The following WDR7 variants were observed in gnomAD, a reference collection of about 807,000 sequenced individuals.
The protein encoded by WDR7 is WD repeat-containing protein 7.
A neutral mutation model predicts 169.4 loss-of-function variants in WDR7; 46 were observed. The observed-to-expected ratio is 0.27, with a 90% CI of 0.21 to 0.35. The LOEUF (loss-of-function observed/expected upper bound fraction) is 0.35. Ranked by LOEUF, WDR7 falls within the 10% of genes least tolerant of loss-of-function variation. WDR7 has a pLI of 1.00. For synonymous variants in WDR7, 612 were observed against 666.8 expected, an observed-to-expected ratio of 0.92 and a Z score of 1.27; for missense variants, 1,534 against 1,859.3, an observed-to-expected ratio of 0.83 and a Z score of 3.22.
At chr18:56,888,884 G>A (rs1326415232) in intron 21 of WDR7, among the ~76,000 whole-genome samples, 1 of 152,176 alleles carries the variant, frequency 6.6e-6, no homozygotes, top group African/African-American at 2.4e-5. Flanking sequence ...AACAGGATTA[G>A]GCAGAGGGGG....
intron 20 of WDR7, among the ~76,000 whole-genome samples, chr18:56,830,400 G>A (rs1307273250): frequency 6.6e-6 from 1 of 152,088 alleles, no homozygotes; most frequent in African/African-American, 2.4e-5. Context: ...ACTTGCTCAA[G>A]CATCATTGCT....
intron 26 of WDR7, among the ~76,000 whole-genome samples, chr18:56,990,986 A>G (rs1009938735): frequency 2.6e-5 from 4 of 152,224 alleles, no homozygotes; most frequent in Admixed American, 1.3e-4. Context: ...ATTGTTAGGT[A>G]CTAGACTGAT....
At chr18:56,701,372 G>T (rs1441640864) in intron 12 of WDR7, among the ~76,000 whole-genome samples, 1 of 152,084 alleles carries the variant, frequency 6.6e-6, no homozygotes, top group African/African-American at 2.4e-5. Context: ...GTATATAAAG[G>T]TTCAGTTTCT....
At chr18:56,786,784 T>C (rs2044407760) in intron 19 of WDR7, among the ~76,000 whole-genome samples, 1 of 152,004 alleles carries the variant, frequency 6.6e-6, no homozygotes, top group Admixed American at 6.6e-5. Context: ...AATACTGACT[T>C]ATAGAAATAT....
intron 26 of WDR7, chr18:57,010,187 T>C: frequency 1.0e-6 from 1 of 984,606 alleles, no homozygotes; most frequent in Non-Finnish European, 1.2e-6. Flanking sequence ...CAAATAGTTT[T>C]CTATTAGAAA....
intron 21 of WDR7, among the ~76,000 whole-genome samples, chr18:56,912,738 C>T (rs1339214620): frequency 6.6e-6 from 1 of 152,154 alleles, no homozygotes; most frequent in Non-Finnish European, 1.5e-5. Flanking sequence ...GCTTTTCACC[C>T]ACCTCATTGG....
At position 57,026,761 on chromosome 18, in the gene WDR7, T is replaced by C. The variant is rs112199471; in HGVS notation, c.4270-243T>C. ...ATTTAGCCCTCTTCCTAAAGATCCATGGACTCTCCTTTTGTCAGGTTCTAC... is the reference window on the plus strand; with the variant it reads ...ATTTAGCCCTCTTCCTAAAGATCCACGGACTCTCCTTTTGTCAGGTTCTAC... On this transcript the variant is annotated intron_variant, in intron 27 of 27. Transcript: ENST00000254442. 2.5e-3 allele frequency among the ~76,000 whole-genome samples: 380 copies of C among 152,320 alleles called. 1 individual carries two copies. The highest frequency in any genetic ancestry group is 8.0e-3 in the African/African-American group (332 of 41,554).
intron 26 of WDR7, among the ~76,000 whole-genome samples, chr18:57,017,736 G>T (rs1159123939): frequency 6.6e-6 from 1 of 152,146 alleles, no homozygotes; most frequent in Non-Finnish European, 1.5e-5. Flanking sequence ...GTTAGGTTAT[G>T]TAATTATTGT....
intron 1 of WDR7, among the ~76,000 whole-genome samples, chr18:56,666,493 C>T (rs886514155): frequency 1.8e-4 from 28 of 151,996 alleles, no homozygotes; most frequent in Admixed American, 6.6e-5. Flanking sequence ...TGAGCCACTG[C>T]GCCCGGCCTC....
intron 7 of WDR7, among the ~76,000 whole-genome samples, chr18:56,688,734 A>C (rs2025500827): frequency 6.8e-6 from 1 of 148,136 alleles, no homozygotes; most frequent in Non-Finnish European, 1.5e-5. Context: ...GTCTTGGGGA[A>C]AAAAAAAAAG....
rs561968939 is a variant in WDR7, at chr18:57,005,874, A to C, written c.4165-14871A>C. On this transcript the variant is annotated intron_variant, in intron 26 of 27. Transcript: ENST00000254442. ...ATGAATTTGTGTTGGGCCACATTCA[A>C]AGCCATCCTGGGCCGCATGTGGCCC... is the stretch of plus-strand genomic sequence containing the variant. Among the ~76,000 whole-genome samples the C allele has an allele frequency of 1.1e-4, 16 of 152,314 alleles. No individual in the cohort carries two copies. The South Asian group carries it at 3.3e-3, about 32-fold the overall frequency.
In WDR7 at chr18:56,924,015, G is replaced by A. The variant is rs758500675; in HGVS notation, c.3620G>A (p.Arg1207His). Residue 1207 changes from arginine to histidine, a missense_variant, in exon 22 of 28, where the codon CGT becomes CAT. By Grantham distance (29) the Arg-to-His change is conservative. Coordinates refer to ENST00000254442, the MANE Select transcript of WDR7 (RefSeq NM_015285.3). ...IRRTAIDLIGRGFTVWEPYMD... is the reference protein window; with the variant it reads ...IRRTAIDLIGHGFTVWEPYMD... Reference sequence around the variant, plus strand: ...AGAACAGCCATTGATCTGATTGGACGTGGGTTCACTGTTTGGGAGCCTTAC... The same window carrying A: ...AGAACAGCCATTGATCTGATTGGACATGGGTTCACTGTTTGGGAGCCTTAC... The A allele has an allele frequency of 5.0e-6, 8 of 1,612,564 alleles. No individual in the cohort carries two copies. The highest frequency in any genetic ancestry group is 1.7e-5 in the Admixed American group (1 of 59,720).
chr18:56,675,602 A>T (rs966751584), intron 2 of WDR7, among the ~76,000 whole-genome samples: 1 of 151,208 alleles, frequency 6.6e-6, no homozygotes, highest in African/African-American at 2.4e-5. Context: ...ATAGTTTTTT[A>T]GTGGATCCTT....
intron 14 of WDR7, among the ~76,000 whole-genome samples, chr18:56,741,111 T>C (rs35848190): frequency 6.6e-6 from 1 of 152,114 alleles, no homozygotes; most frequent in Non-Finnish European, 1.5e-5. Flanking sequence ...GGCCTACAGG[T>C]CAATAGGGCC....
chr18:56,992,641 G>C (rs1370197851), intron 26 of WDR7, among the ~76,000 whole-genome samples: 1 of 152,150 alleles, frequency 6.6e-6, no homozygotes, highest in Non-Finnish European at 1.5e-5. Context: ...AACTATTCCA[G>C]GTAAAAGATA....
chr18:56,955,401 A>G lies in WDR7; in HGVS notation c.4065-7029A>G, dbSNP rs181003033. On this transcript the variant is annotated intron_variant, in intron 25 of 27. Transcript: ENST00000254442. Reference sequence around the variant, plus strand: ...ATTTTCAGCCTGTTTGAAATGCTACAGAAAAGTGTTTCAGACCAAATCCCT... The same window carrying G: ...ATTTTCAGCCTGTTTGAAATGCTACGGAAAAGTGTTTCAGACCAAATCCCT... Among the ~76,000 whole-genome samples the G allele has an allele frequency of 7.9e-5, 12 of 152,316 alleles. No homozygotes were observed. The East Asian group carries it at 2.3e-3, about 29-fold the overall frequency.
chr18:56,760,585 A>ACATTTGGATTGTGTCCAG (rs1329735501), intron 16 of WDR7, among the ~76,000 whole-genome samples: 5 of 152,310 alleles, frequency 3.3e-5, no homozygotes, highest in Non-Finnish European at 1.5e-5. Flanking sequence ...TGGTCATTAG[A>ACATTTGGATTGTGTCCAG]CATTTGGATT....
At chr18:56,820,359 A>AAAAAAAAACAAAAAC (rs1044771844) in intron 20 of WDR7, among the ~76,000 whole-genome samples, 14 of 127,464 alleles carry the variant, frequency 1.1e-4, no homozygotes, top group African/African-American at 4.2e-4. Flanking sequence ...AAAAAAAAAA[A>AAAAAAAAACAAAAAC]AAAAACCACC....
chr18:56,681,802 G>C, intron 4 of WDR7, among the ~76,000 whole-genome samples: 1 of 152,150 alleles, frequency 6.6e-6, no homozygotes, highest in Non-Finnish European at 1.5e-5. Context: ...TCATGCAGTT[G>C]GTCCTTGGAC....
Sources: gnomAD v4.1 joint callset for allele counts (sites outside exome capture counted in the v4.1 genomes callset) on GRCh38, gnomAD v4.1.1 for gene constraint, MANE v1.5 for transcripts, NCBI Gene and HGNC (gene_info 2026-07-23, HGNC 2026-07-21) for gene names.